The following STOML1 variants were observed in gnomAD, a reference collection of about 807,000 sequenced individuals.
The protein encoded by STOML1 is stomatin like 1, also known as stomatin-like protein 1.
A neutral mutation model predicts 35.7 loss-of-function variants in STOML1; 27 were observed. That is an observed-to-expected ratio of 0.76 (90% CI 0.56 to 1.04). The LOEUF is 1.04. STOML1 is among the 50% of genes least tolerant of loss of function. The pLI is 0.00. For missense variants in STOML1, 451 were observed against 527.1 expected (o/e 0.86, Z 1.41); for synonymous variants, 219 against 227.9 (o/e 0.96, Z 0.35).
At chr15:73,990,314 G>A (rs1555437298) in intron 2 of STOML1, 37 bp downstream of exon 2, 2 of 1,596,684 alleles carry the variant, frequency 1.3e-6, no homozygotes, top group East Asian at 2.2e-5. Context: ...TCTCAGTGTG[G>A]CCCAACCACC....
At chr15:73,987,277 A>C (rs1809544867) in intron 4 of STOML1, 1 of 152,506 alleles carries the variant, frequency 6.6e-6, no homozygotes, top group African/African-American at 2.4e-5. Context: ...TCAGGCAAAA[A>C]GGGGCATGTG....
At chr15:73,991,868 C>A (rs3816198) in intron 1 of STOML1, 6 of 680,506 alleles carry the variant, frequency 8.8e-6, no homozygotes, top group Non-Finnish European at 1.5e-5. Flanking sequence ...ATAGGAGCAA[C>A]GCTGGCTGGC....
intron 5 of STOML1, 21 bp downstream of exon 5, chr15:73,985,297 C>T (rs769378434): frequency 4.6e-6 from 7 of 1,515,246 alleles, no homozygotes; most frequent in Non-Finnish European, 6.2e-6. Flanking sequence ...CACCCCCGCT[C>T]TCCTCCCCAG....
upstream of STOML1, among the ~76,000 whole-genome samples, chr15:73,993,515 G>A (rs2069347351): frequency 6.6e-6 from 1 of 152,180 alleles, no homozygotes; most frequent in Non-Finnish European, 1.5e-5. Flanking sequence ...AAAGGCCTGG[G>A]AGTACTGACC....
In STOML1 at chr15:73,979,318, GT is replaced by G. The variant is rs2068934983; in HGVS notation, c.*4618del. The G allele has an allele frequency of 6.6e-6, 1 of 152,148 alleles. No individual in the cohort carries two copies. Among genetic ancestry groups the G allele is most frequent in the Admixed American group, 6.5e-5 (1 of 15,268 alleles). The allele number at this position is 152,148 out of a possible 1,614,324, so 9.4% of individuals were successfully genotyped here. On this transcript the variant is annotated 3_prime_UTR_variant, in exon 7 of 7. Coordinates refer to ENST00000541638, the MANE Select transcript of STOML1 (RefSeq NM_004809.5). ...GGTGGTTACTCAGGTGTTCACATTT[GT>G]CAAAGCACCTCAGATGACACTTTTT...
chr15:73,985,224 G>GT, intron 5 of STOML1, 94 bp downstream of exon 5: 5 of 1,333,272 alleles, frequency 3.8e-6, no homozygotes, highest in Non-Finnish European at 5.0e-6. Context: ...TCTGTGCAGG[G>GT]TGTGTACTGC....
At chr15:73,992,307 T>C (rs1595867895), upstream of STOML1, 1 of 1,435,774 alleles carries the variant, frequency 7.0e-7, no homozygotes, top group Non-Finnish European at 9.1e-7. Context: ...CCCTCCTGGC[T>C]GCTGCTTCCG....
chr15:73,992,511 G>GAA (rs1268650467), upstream of STOML1, among the ~76,000 whole-genome samples: 3 of 152,154 alleles, frequency 2.0e-5, no homozygotes, highest in African/African-American at 7.2e-5. Flanking sequence ...CTCAGCCCTA[G>GAA]AAAAGCTGGA....
chr15:73,985,483 C>T lies in STOML1; in HGVS notation c.625G>A (p.Gly209Arg), dbSNP rs557678898. Residue 209 changes from glycine to arginine, a missense_variant, in exon 5 of 7, where the codon GGG (glycine) becomes AGG (arginine). Coordinates refer to ENST00000541638, the MANE Select transcript of STOML1 (RefSeq NM_004809.5). ...LEINDVTRAWGLEVDRVELAV... is the reference protein window; with the variant it reads ...LEINDVTRAWRLEVDRVELAV... ...AGCTCCACGCGGTCTACCTCCAGCCCCCAGGCCCTGGTCACATCGTTGATC... is the reference window on the plus strand; with the variant it reads ...AGCTCCACGCGGTCTACCTCCAGCCTCCAGGCCCTGGTCACATCGTTGATC... 1.3e-6 allele frequency: 2 copies of T among 1,541,626 alleles called. No homozygotes were observed. The highest frequency in any genetic ancestry group is 1.4e-5 in the African/African-American group (1 of 71,802).
chr15:73,981,387 A>G lies in STOML1; in HGVS notation c.*2550T>C, dbSNP rs1358911832. On this transcript the variant is annotated 3_prime_UTR_variant, in exon 7 of 7. Coordinates refer to ENST00000541638, the MANE Select transcript of STOML1 (RefSeq NM_004809.5). ...ATAAAATACTTTTCAATAACATCAAAATAACACATTATATATTAATATATT... is the reference window on the plus strand; with the variant it reads ...ATAAAATACTTTTCAATAACATCAAGATAACACATTATATATTAATATATT... 1 of 152,154 alleles carries G rather than the reference A, an allele frequency of 6.6e-6. No individual in the cohort carries two copies. The highest frequency in any genetic ancestry group is 1.5e-5 in the Non-Finnish European group (1 of 68,022). The allele number at this position is 152,154 out of a possible 1,614,324, so 9.4% of individuals were successfully genotyped here. A position where few individuals can be genotyped will look rare whatever the true frequency, so the allele number is the denominator to read the frequency against.
upstream of STOML1, among the ~76,000 whole-genome samples, chr15:73,993,760 C>G (rs1330440541): frequency 6.6e-6 from 1 of 152,208 alleles, no homozygotes; most frequent in Admixed American, 6.5e-5. Context: ...GTGAGGTCAC[C>G]TGGAACTGTG....
chr15:73,990,219 C>A, intron 2 of STOML1, 132 bp downstream of exon 2: 3 of 784,244 alleles, frequency 3.8e-6, no homozygotes, highest in Admixed American at 2.5e-5. Flanking sequence ...ATGAATGGTT[C>A]TTGCCTAGCC....
At position 73,981,002 on chromosome 15, in the gene STOML1, A is replaced by T. The variant is rs1303530413; in HGVS notation, c.*2935T>A. ...TTCAAGGCTACAGTGAGCTATGATC[A>T]TGCCACTGCACTCCAGCCTGGGTGA... On this transcript the variant is annotated 3_prime_UTR_variant, in exon 7 of 7. Transcript: ENST00000541638. The T allele has an allele frequency of 6.6e-6, 1 of 152,220 alleles. No individual in the cohort carries two copies. Among genetic ancestry groups the T allele is most frequent in the Non-Finnish European group, 1.5e-5 (1 of 68,056 alleles). The allele number at this position is 152,220 out of a possible 1,614,324, so 9.4% of individuals were successfully genotyped here.
At chr15:73,992,594 G>A (rs1467053114), upstream of STOML1, among the ~76,000 whole-genome samples, 2 of 152,162 alleles carry the variant, frequency 1.3e-5, no homozygotes, top group East Asian at 1.9e-4. Flanking sequence ...GATCGCTTGA[G>A]GCCAGGAATT....
intron 1 of STOML1, 27 bp downstream of exon 1, chr15:73,992,064 G>A: frequency 6.5e-7 from 1 of 1,548,350 alleles, no homozygotes; most frequent in African/African-American, 1.4e-5. Context: ...GTCCCCCCCG[G>A]CTCCGCCGTG....
upstream of STOML1, among the ~76,000 whole-genome samples, chr15:73,994,292 C>T (rs538727234): frequency 3.9e-5 from 6 of 152,242 alleles, no homozygotes; most frequent in East Asian, 1.9e-4. Context: ...CCACCTACAA[C>T]CCTAAATCCC....
At chr15:73,986,098 G>A (rs2141667589) in intron 4 of STOML1, 1 of 156,012 alleles carries the variant, frequency 6.4e-6, no homozygotes, top group East Asian at 1.9e-4. Flanking sequence ...TACAGCCAAG[G>A]AATGATGCAG....
chr15:73,994,522 G>A (rs1254106398), upstream of STOML1: 3 of 511,534 alleles, frequency 5.9e-6, no homozygotes, highest in Non-Finnish European at 1.1e-5. Flanking sequence ...CTGCCCCCCT[G>A]CAGCTCTGCC....
chr15:73,990,514 T>C (rs2069241198), intron 1 of STOML1, 57 bp from the exon 2 acceptor site: 2 of 1,514,078 alleles, frequency 1.3e-6, no homozygotes, highest in Admixed American at 1.9e-5. Context: ...CCAAGCGGAG[T>C]GAACTTGGGC....
Sources: allele counts gnomAD v4.1 joint callset (sites outside exome capture counted in the v4.1 genomes callset), GRCh38; gene constraint gnomAD v4.1.1; transcripts MANE v1.5; gene names NCBI Gene and HGNC (gene_info 2026-07-23, HGNC 2026-07-21).